PPP1R21: variants seen among roughly 807,000 people sequenced by gnomAD.
The protein encoded by PPP1R21 is protein phosphatase 1 regulatory subunit 21.
A neutral mutation model predicts 112.8 loss-of-function variants in PPP1R21; 85 were observed. That is an observed-to-expected ratio of 0.75 (90% confidence interval 0.63 to 0.90). PPP1R21 has a LOEUF of 0.90. Ranked by LOEUF, PPP1R21 falls within the 40% of genes least tolerant of loss-of-function variation. The probability of loss-of-function intolerance (pLI) is 0.00; values close to 1 mark genes in which losing one functional copy is unlikely to be tolerated. For synonymous variants in PPP1R21, 381 were observed against 322.3 expected, an observed-to-expected ratio of 1.18 and a Z score of -1.95; for missense variants, 1,199 against 901.5, an observed-to-expected ratio of 1.33 and a Z score of -4.23.
chr2:48,488,448 G>A (rs2103928569), intron 14 of PPP1R21, among the ~76,000 whole-genome samples: 1 of 150,988 alleles, frequency 6.6e-6, no homozygotes, highest in East Asian at 1.9e-4. Context: ...CTCACTGCAA[G>A]CTCCACCTCC....
chr2:48,471,661 C>T (rs954616696), intron 11 of PPP1R21, among the ~76,000 whole-genome samples: 2 of 152,124 alleles, frequency 1.3e-5, no homozygotes, highest in Non-Finnish European at 2.9e-5. Context: ...TTTCCTTCTA[C>T]GTTAGGATCT....
In PPP1R21 at chr2:48,486,763, T is replaced by G. The variant is rs1438400604; in HGVS notation, c.1446+5T>G. The G allele has an allele frequency of 1.9e-6, 3 of 1,611,562 alleles. No homozygotes were observed. The highest frequency in any genetic ancestry group is 2.5e-6 in the Non-Finnish European group (3 of 1,179,026). Reference sequence around the variant, plus strand: ...TTAACAAATGGAGCAGGAAAGGTAATTCTCTTCTGGCGTATATTGATGTTA... The same window carrying G: ...TTAACAAATGGAGCAGGAAAGGTAAGTCTCTTCTGGCGTATATTGATGTTA... On this transcript the variant is annotated splice_donor_5th_base_variant and intron_variant, in intron 14 of 21. Coordinates refer to ENST00000294952, the MANE Select transcript of PPP1R21 (RefSeq NM_001135629.3).
In PPP1R21 at chr2:48,479,803, G is replaced by C. The variant is rs369319578; in HGVS notation, c.1226-121G>C. 58 of 702,776 alleles carry C rather than the reference G, an allele frequency of 8.3e-5. 1 individual carries two copies. In the South Asian group the frequency reaches 9.4e-4, roughly 11 times the overall value. 43.5% of individuals were successfully genotyped at this position (702,776 alleles called of 1,614,324 possible). On this transcript the variant is annotated intron_variant, in intron 12 of 21. Transcript: ENST00000294952. ...CTGAATGTATCTGCCACGATTTTAA[G>C]AGGCATTATTTCTAGCACATTACAA...
chr2:48,493,545 A>G (rs1389428238), intron 15 of PPP1R21, among the ~76,000 whole-genome samples: 2 of 152,182 alleles, frequency 1.3e-5, no homozygotes, highest in East Asian at 3.9e-4. Flanking sequence ...GCATTTTTAC[A>G]GTCTCAATTT....
chr2:48,485,574 T>C (rs899129337), intron 13 of PPP1R21, among the ~76,000 whole-genome samples: 3 of 152,008 alleles, frequency 2.0e-5, no homozygotes, highest in Admixed American at 6.6e-5. Context: ...ATTACAAGTG[T>C]ATATAAATAT....
chr2:48,495,888 T>C (rs1669813961), intron 16 of PPP1R21, 117 bp downstream of exon 16: 3 of 654,964 alleles, frequency 4.6e-6, no homozygotes, highest in Non-Finnish European at 2.7e-6. Flanking sequence ...ACATGTGAAA[T>C]GAATTGTTTA....
At chr2:48,454,185 C>T (rs1169563969) in intron 2 of PPP1R21, among the ~76,000 whole-genome samples, 2 of 152,096 alleles carry the variant, frequency 1.3e-5, no homozygotes, top group South Asian at 2.1e-4. Context: ...TGCTTGAACT[C>T]GGGTGGCGGA....
rs1243025798 is a variant in PPP1R21, at chr2:48,459,812, C to G, written c.434C>G (p.Ala145Gly). The change falls in exon 5 of 22, where the codon GCC (alanine) becomes GGC (glycine). Residue 145 changes from alanine (A) to glycine (G), a missense_variant. Coordinates refer to ENST00000294952, the MANE Select transcript of PPP1R21 (RefSeq NM_001135629.3). ...GAAGCAGAGCTGAGGAGTCGACTGG[C>G]CACTCTGGAGACAGAAGCAGCCCAG... is the stretch of plus-strand genomic sequence containing the variant. ...HVEAELRSRL[A>G]TLETEAAQHQ... The G allele has an allele frequency of 6.2e-6, 10 of 1,614,006 alleles. No individual in the cohort carries two copies. Among genetic ancestry groups the G allele is most frequent in the Non-Finnish European group, 8.5e-6 (10 of 1,180,012 alleles).
chr2:48,450,700 A>G (rs1311302110), intron 1 of PPP1R21, among the ~76,000 whole-genome samples: 1 of 152,012 alleles, frequency 6.6e-6, no homozygotes, highest in Non-Finnish European at 1.5e-5. Flanking sequence ...TTATTTAGGG[A>G]TGGGACTTGG....
Position 48,510,055 on chromosome 2 carries a change from C to G in PPP1R21, c.2126C>G (p.Ser709Cys), listed in dbSNP as rs767681223. 11 of 1,613,992 alleles carry G rather than the reference C, an allele frequency of 6.8e-6. No homozygotes were observed. The highest frequency in any genetic ancestry group is 6.7e-5 in the East Asian group (3 of 44,878). ...AAAAGACTGGCCTTGGCTGAAAAGTCTAAGGAAGCATTGACAGAAGAAATG... is the reference window on the plus strand; with the variant it reads ...AAAAGACTGGCCTTGGCTGAAAAGTGTAAGGAAGCATTGACAGAAGAAATG... Reference protein sequence around the residue: ...LSKRLALAEKSKEALTEEMKL... With the variant: ...LSKRLALAEKCKEALTEEMKL... The change falls in exon 20 of 22, where the codon TCT becomes TGT. Residue 709 changes from serine to cysteine, a missense_variant. Ser to Cys is a moderately radical substitution (Grantham distance 112). Transcript: ENST00000294952.
rs373272986 is a variant in PPP1R21, at chr2:48,480,074, C to T, written c.1318+58C>T. ...CTTTGCCCCACTTTCTTCGATCTGC[C>T]TGAATAAGATTTAAACAAACACTGC... On this transcript the variant is annotated intron_variant, in intron 13 of 21. Transcript: ENST00000294952. 7.0e-6 allele frequency: 8 copies of T among 1,139,764 alleles called. No individual in the cohort carries two copies. The African/African-American group carries it at 7.6e-5, about 11-fold the overall frequency. The allele number at this position is 1,139,764 out of a possible 1,614,324, so 70.6% of individuals were successfully genotyped here.
intron 11 of PPP1R21, among the ~76,000 whole-genome samples, chr2:48,473,956 A>G (rs543180389): frequency 6.6e-6 from 1 of 152,224 alleles, no homozygotes; most frequent in African/African-American, 2.4e-5. Context: ...TGTGTACTGG[A>G]AAAGATTTTC....
At chr2:48,461,384 A>G (rs1667973212) in intron 7 of PPP1R21, 152 bp downstream of exon 7, 2 of 1,242,668 alleles carry the variant, frequency 1.6e-6, no homozygotes, top group Non-Finnish European at 2.1e-6. Flanking sequence ...AGCCGTGGTA[A>G]TCATATTTAA....
chr2:48,456,675 C>T (rs552941311), intron 3 of PPP1R21, among the ~76,000 whole-genome samples: 4 of 152,074 alleles, frequency 2.6e-5, no homozygotes, highest in African/African-American at 7.2e-5. Flanking sequence ...GAAGCATTCC[C>T]GAGAGTGTTA....
intron 2 of PPP1R21, among the ~76,000 whole-genome samples, 167 bp downstream of exon 2, chr2:48,451,243 A>G (rs531373269): frequency 2.6e-5 from 4 of 152,340 alleles, no homozygotes; most frequent in Admixed American, 2.6e-4. Flanking sequence ...TTGCTTAGGT[A>G]AGAACATGAG....
At chr2:48,483,601 C>G (rs916442641) in intron 13 of PPP1R21, among the ~76,000 whole-genome samples, 10 of 152,312 alleles carry the variant, frequency 6.6e-5, no homozygotes, top group Middle Eastern at 3.4e-3. Context: ...GCTTTATAAG[C>G]TCATTTAGCA....
chr2:48,452,705 T>C (rs1333785628), intron 2 of PPP1R21, among the ~76,000 whole-genome samples: 1 of 151,948 alleles, frequency 6.6e-6, no homozygotes, highest in African/African-American at 2.4e-5. Context: ...CAGTGCGCTG[T>C]TAGGTGTAAT....
chr2:48,499,406 A>G (rs1669997573), intron 17 of PPP1R21, among the ~76,000 whole-genome samples: 2 of 152,210 alleles, frequency 1.3e-5, no homozygotes, highest in South Asian at 4.1e-4. Flanking sequence ...ACAAAGGACC[A>G]AATGCCTAAT....
intron 21 of PPP1R21, 152 bp downstream of exon 21, chr2:48,511,620 G>T (rs1391257757): frequency 3.4e-6 from 3 of 885,268 alleles, no homozygotes; most frequent in Non-Finnish European, 5.0e-6. Context: ...CCAGTACTTT[G>T]GGAGGCTGAG....
Sources: allele counts gnomAD v4.1 joint callset (sites outside exome capture counted in the v4.1 genomes callset), GRCh38; gene constraint gnomAD v4.1.1; transcripts MANE v1.5; gene names NCBI Gene and HGNC (gene_info 2026-07-23, HGNC 2026-07-21).